The following LPAR3 variants were observed in gnomAD, a reference collection of about 807,000 sequenced individuals.
LPAR3 encodes the protein lysophosphatidic acid receptor 3, also known as LPA receptor 3.
LPAR3 carries 7 observed loss-of-function variants against 17.8 expected under a neutral mutation model. The ratio of observed to expected loss-of-function variants is 0.39; its 90% CI spans 0.22 to 0.74. LPAR3 has a LOEUF of 0.74. Ranked by LOEUF, LPAR3 falls within the 30% of genes least tolerant of loss-of-function variation. The pLI is 0.40. For missense variants in LPAR3, 391 were observed against 453.4 expected, an observed-to-expected ratio of 0.86 and a Z score of 1.25; for synonymous variants, 179 against 179.9, an observed-to-expected ratio of 0.99 and a Z score of 0.04.
At chr1:84,882,587 T>C (rs1660384870) in intron 1 of LPAR3, among the ~76,000 whole-genome samples, 1 of 152,212 alleles carries the variant, frequency 6.6e-6, no homozygotes, top group Non-Finnish European at 1.5e-5. Context: ...TTTTAAAACA[T>C]ACTACAAAGC....
At chr1:84,891,377 C>A (rs1366626345) in intron 1 of LPAR3, among the ~76,000 whole-genome samples, 1 of 152,166 alleles carries the variant, frequency 6.6e-6, no homozygotes, top group Non-Finnish European at 1.5e-5. Flanking sequence ...ATAACTAGTT[C>A]CTTGCTGTCT....
At chr1:84,839,537 G>T (rs575019056) in intron 2 of LPAR3, among the ~76,000 whole-genome samples, 1 of 152,238 alleles carries the variant, frequency 6.6e-6, no homozygotes, top group Non-Finnish European at 1.5e-5. Flanking sequence ...AGTTGGGCAT[G>T]GTGCACATCT....
chr1:84,866,171 A>C, intron 1 of LPAR3, 33 bp from the exon 2 acceptor site: 5 of 1,480,614 alleles, frequency 3.4e-6, no homozygotes, highest in Non-Finnish European at 4.6e-6. Flanking sequence ...AACAAATATC[A>C]TTTGTAAAAT....
At chr1:84,835,447 A>G (rs1557593828) in intron 2 of LPAR3, among the ~76,000 whole-genome samples, 2 of 151,942 alleles carry the variant, frequency 1.3e-5, no homozygotes, top group African/African-American at 2.4e-5. Flanking sequence ...TGATTCGCAA[A>G]TGTGTGTACG....
chr1:84,875,050 C>A (rs1392320609), intron 1 of LPAR3, among the ~76,000 whole-genome samples: 1 of 152,060 alleles, frequency 6.6e-6, no homozygotes, highest in Non-Finnish European at 1.5e-5. Context: ...CAGGCCCAAG[C>A]CACCATGCCC....
intron 2 of LPAR3, among the ~76,000 whole-genome samples, chr1:84,860,335 T>C (rs1165314250): frequency 6.6e-6 from 1 of 152,212 alleles, no homozygotes; most frequent in Non-Finnish European, 1.5e-5. Flanking sequence ...CCAAAGAGGA[T>C]AGCCAACTAA....
chr1:84,842,067 G>C (rs1211447212), intron 2 of LPAR3, among the ~76,000 whole-genome samples: 1 of 152,156 alleles, frequency 6.6e-6, no homozygotes, highest in Non-Finnish European at 1.5e-5. Context: ...GAAGTGAAGA[G>C]AAAGAATTTC....
intron 1 of LPAR3, among the ~76,000 whole-genome samples, chr1:84,868,373 G>A (rs936046051): frequency 6.6e-6 from 1 of 152,174 alleles, no homozygotes; most frequent in Non-Finnish European, 1.5e-5. Flanking sequence ...GCCTCCCAAA[G>A]TGCTGAGATT....
chr1:84,858,500 A>C (rs1455268645), intron 2 of LPAR3, among the ~76,000 whole-genome samples: 1 of 151,790 alleles, frequency 6.6e-6, no homozygotes. Flanking sequence ...AAAAAAAAAA[A>C]AAAACCTAAA....
chr1:84,885,314 T>C lies in LPAR3; in HGVS notation c.-19+7702A>G, dbSNP rs184362172. ...AGGGTTAAGTGTGGCAGAGCTGTAA[T>C]AGAGCTAAAACTGGAGTGCTATCAG... On this transcript the variant is annotated intron_variant, in intron 1 of 2. Transcript: ENST00000370611. 5.3e-5 allele frequency among the ~76,000 whole-genome samples: 8 copies of C among 152,262 alleles called. No individual in the cohort carries two copies. The East Asian group carries it at 1.4e-3, about 26-fold the overall frequency.
At chr1:84,860,892 T>A (rs1487595859) in intron 2 of LPAR3, among the ~76,000 whole-genome samples, 1 of 151,854 alleles carries the variant, frequency 6.6e-6, no homozygotes, top group East Asian at 1.9e-4. Context: ...GTGCCTACCA[T>A]CAAACCCAGC....
At chr1:84,831,071 T>C (rs961689043) in intron 2 of LPAR3, among the ~76,000 whole-genome samples, 4 of 152,238 alleles carry the variant, frequency 2.6e-5, no homozygotes, top group African/African-American at 9.6e-5. Flanking sequence ...TAGAACAATT[T>C]AATTTGTAGT....
intron 1 of LPAR3, among the ~76,000 whole-genome samples, chr1:84,869,162 C>T (rs1207642022): frequency 1.3e-5 from 2 of 152,074 alleles, no homozygotes; most frequent in African/African-American, 4.8e-5. Flanking sequence ...TTATTTCTTA[C>T]ATGTGGTCGA....
intron 1 of LPAR3, among the ~76,000 whole-genome samples, chr1:84,889,032 G>A (rs1252169920): frequency 6.6e-6 from 1 of 152,062 alleles, no homozygotes; most frequent in Non-Finnish European, 1.5e-5. Flanking sequence ...TGGGAGTAGG[G>A]CAGTATCAGG....
rs567850708 is a variant in LPAR3, at chr1:84,874,141, T to A, written c.-18-8003A>T. On this transcript the variant is annotated intron_variant, in intron 1 of 2. Transcript: ENST00000370611. The stretch of plus-strand genomic sequence containing the variant: ...ATCAACAAAGTCTCCATAATACTGG[T>A]CAGTAGAGGTTCCAAGAGGAGAAGC... 2.6e-5 allele frequency among the ~76,000 whole-genome samples: 4 copies of A among 152,222 alleles called. No individual in the cohort carries two copies. In the South Asian group the frequency reaches 8.3e-4, roughly 32 times the overall value.
At chr1:84,882,874 C>T (rs1350727464) in intron 1 of LPAR3, among the ~76,000 whole-genome samples, 1 of 152,108 alleles carries the variant, frequency 6.6e-6, no homozygotes, top group Non-Finnish European at 1.5e-5. Flanking sequence ...AGGGCATGGC[C>T]CTGGAGATAG....
chr1:84,865,758 C>A lies in LPAR3; in HGVS notation c.363G>T (p.Leu121=). ...ACATGTGCCTCTCCACGGCGATAAC[C>A]AGCAAGTTGGTGAGGGAAGCAGTCA... The part of the protein sequence containing the change: ...SSLTASLTNL[L]VIAVERHMSI... The change falls in exon 2 of 3, where the codon CTG becomes CTT. Residue 121 remains leucine, a synonymous_variant. Transcript: ENST00000370611. 1 of 1,614,200 alleles carries A rather than the reference C, an allele frequency of 6.2e-7. No individual in the cohort carries two copies. Among genetic ancestry groups the A allele is most frequent in the Non-Finnish European group, 8.5e-7 (1 of 1,180,028 alleles).
At chr1:84,862,313 A>T (rs1034931822) in intron 2 of LPAR3, among the ~76,000 whole-genome samples, 3 of 152,230 alleles carry the variant, frequency 2.0e-5, no homozygotes, top group African/African-American at 7.2e-5. Context: ...ACGGTGTCAA[A>T]GCAGAAGACA....
intron 1 of LPAR3, among the ~76,000 whole-genome samples, chr1:84,891,471 A>G (rs371041051): frequency 2.6e-5 from 4 of 152,322 alleles, no homozygotes; most frequent in African/African-American, 9.6e-5. Flanking sequence ...TTTTTAGTAT[A>G]GTCCAGTTTG....
Sources: gnomAD v4.1 joint callset for allele counts (sites outside exome capture counted in the v4.1 genomes callset) on GRCh38, gnomAD v4.1.1 for gene constraint, MANE v1.5 for transcripts, NCBI Gene and HGNC (gene_info 2026-07-23, HGNC 2026-07-21) for gene names.